NAPB: variants seen among roughly 807,000 people sequenced by gnomAD.
NAPB encodes beta-soluble NSF attachment protein.
NAPB carries 26 observed loss-of-function variants against 44.7 expected under a neutral mutation model. The observed-to-expected ratio is 0.58, with a 90% CI of 0.43 to 0.81. NAPB has a LOEUF of 0.81. NAPB is among the 30% of genes least tolerant of loss of function. NAPB has a pLI of 0.00. For synonymous variants in NAPB, 120 were observed against 116.8 expected, an observed-to-expected ratio of 1.03 and a Z score of -0.18; for missense variants, 315 against 356.4, an observed-to-expected ratio of 0.88 and a Z score of 0.94.
intron 5 of NAPB, 101 bp from the exon 6 acceptor site, chr20:23,390,365 C>T: frequency 2.1e-6 from 2 of 968,252 alleles, no homozygotes; most frequent in Non-Finnish European, 3.2e-6. Context: ...CCTACTCTAC[C>T]AGCAAACTTT....
chr20:23,383,136 G>A (rs6137922), intron 7 of NAPB, among the ~76,000 whole-genome samples: 38,419 of 132,262 alleles, frequency 0.29, 5,484 homozygotes, highest in Middle Eastern at 0.45. Flanking sequence ...ACGCCTGGGC[G>A]ACAGAGCAAG....
intron 8 of NAPB, among the ~76,000 whole-genome samples, chr20:23,380,386 C>T (rs2123129356): frequency 6.6e-6 from 1 of 152,342 alleles, no homozygotes; most frequent in South Asian, 2.1e-4. Flanking sequence ...TGCCTCTTGG[C>T]TCCCAGTGCT....
intron 1 of NAPB, among the ~76,000 whole-genome samples, chr20:23,413,305 A>G (rs532616538): frequency 5.6e-4 from 85 of 152,322 alleles, no homozygotes; most frequent in Middle Eastern, 6.8e-3. Flanking sequence ...TTACAATAAA[A>G]GCCTCTTGCA....
intron 1 of NAPB, among the ~76,000 whole-genome samples, chr20:23,420,627 G>A (rs1986331157): frequency 6.6e-6 from 1 of 152,066 alleles, no homozygotes; most frequent in African/African-American, 2.4e-5. Context: ...GGGCTTCAGC[G>A]TGGCGAAATG....
At chr20:23,400,947 T>C (rs1747765318) in intron 2 of NAPB, among the ~76,000 whole-genome samples, 1 of 152,090 alleles carries the variant, frequency 6.6e-6, no homozygotes, top group Non-Finnish European at 1.5e-5. Flanking sequence ...CATTATGTAA[T>C]TTATTTTTGC....
intron 1 of NAPB, among the ~76,000 whole-genome samples, chr20:23,417,047 A>G (rs75248146): frequency 0.014 from 2,085 of 152,078 alleles, 52 homozygotes; most frequent in East Asian, 0.092. Context: ...AAAGGAAGAC[A>G]GCATTAACCA....
chr20:23,377,239 C>T lies in NAPB; in HGVS notation c.*137G>A, dbSNP rs184107791. On this transcript the variant is annotated 3_prime_UTR_variant, in exon 11 of 11. Transcript: ENST00000377026. ...TCATTTCACAGCAACACAGACTTGG[C>T]GAGCTTAAACAATACACAGGCCGTC... 2.6e-3 allele frequency: 1,129 copies of T among 435,328 alleles called. 5 individuals are homozygous for T. Among genetic ancestry groups the T allele is most frequent in the Non-Finnish European group, 3.8e-3 (928 of 242,074 alleles). The allele number at this position is 435,328 out of a possible 1,614,324, so 27.0% of individuals were successfully genotyped here.
intron 1 of NAPB, among the ~76,000 whole-genome samples, chr20:23,420,358 G>A (rs1259858134): frequency 6.6e-6 from 1 of 152,170 alleles, no homozygotes; most frequent in African/African-American, 2.4e-5. Context: ...TCCGGAGAAG[G>A]AAAAATACTA....
intron 6 of NAPB, 33 bp downstream of exon 6, chr20:23,390,176 C>T (rs1194535527): frequency 1.3e-6 from 2 of 1,558,816 alleles, no homozygotes; most frequent in East Asian, 2.2e-5. Context: ...ATAATAAAAC[C>T]CATTAAATCA....
chr20:23,397,023 C>G, intron 3 of NAPB, 49 bp downstream of exon 3: 1 of 1,574,138 alleles, frequency 6.4e-7, no homozygotes, highest in Non-Finnish European at 8.7e-7. Context: ...GAAGTACTGA[C>G]TGGTTAGTTA....
intron 7 of NAPB, among the ~76,000 whole-genome samples, chr20:23,386,437 G>A (rs1020999318): frequency 1.3e-5 from 2 of 152,174 alleles, no homozygotes; most frequent in Non-Finnish European, 2.9e-5. Context: ...ACATCCTAAT[G>A]CATTCTGAGA....
At position 23,384,509 on chromosome 20, in the gene NAPB, T is replaced by C. The variant is rs1983314728; in HGVS notation, c.562-3192A>G. On this transcript the variant is annotated intron_variant, in intron 7 of 10. Transcript: ENST00000377026. Reference sequence around the variant, plus strand: ...TGCATGTCTGTAGTCTCAGCTATTCTGGAGGCTAAGGCTGAGGTGGGAGGA... The same window carrying C: ...TGCATGTCTGTAGTCTCAGCTATTCCGGAGGCTAAGGCTGAGGTGGGAGGA... 2.0e-5 allele frequency among the ~76,000 whole-genome samples: 3 copies of C among 151,738 alleles called. No homozygotes were observed. The South Asian group carries it at 6.2e-4, about 31-fold the overall frequency.
chr20:23,387,794 G>A (rs1983638655), intron 7 of NAPB, among the ~76,000 whole-genome samples: 2 of 152,140 alleles, frequency 1.3e-5, no homozygotes, highest in South Asian at 4.1e-4. Context: ...ACTTAGTATT[G>A]TTAAGATGGC....
At chr20:23,388,148 C>T (rs1190870922) in intron 7 of NAPB, among the ~76,000 whole-genome samples, 5 of 152,098 alleles carry the variant, frequency 3.3e-5, no homozygotes, top group African/African-American at 9.7e-5. Context: ...GGAGCTATAC[C>T]ATTGGCTCTC....
intron 2 of NAPB, among the ~76,000 whole-genome samples, 188 bp from the exon 3 acceptor site, chr20:23,397,376 C>A (rs1348182396): frequency 1.3e-5 from 2 of 152,236 alleles, no homozygotes; most frequent in Non-Finnish European, 2.9e-5. Context: ...AGTCAAACAG[C>A]GATGAAAGCT....
At chr20:23,416,039 G>C (rs1024147104) in intron 1 of NAPB, among the ~76,000 whole-genome samples, 3 of 152,158 alleles carry the variant, frequency 2.0e-5, no homozygotes, top group African/African-American at 7.2e-5. Flanking sequence ...CTTTGCTCTT[G>C]AAAACTAGGT....
intron 1 of NAPB, among the ~76,000 whole-genome samples, chr20:23,419,327 C>T (rs116243579): frequency 0.011 from 1,669 of 152,260 alleles, 30 homozygotes; most frequent in African/African-American, 0.039. Context: ...TCTTATATGT[C>T]CTGTCAATAA....
intron 1 of NAPB, among the ~76,000 whole-genome samples, chr20:23,420,577 C>A (rs1986322190): frequency 6.6e-6 from 1 of 152,032 alleles, no homozygotes. Flanking sequence ...TCCGGCTCCA[C>A]CCCGGCGCGC....
At chr20:23,401,430 A>G (rs973530554) in intron 2 of NAPB, among the ~76,000 whole-genome samples, 1 of 152,214 alleles carries the variant, frequency 6.6e-6, no homozygotes, top group Non-Finnish European at 1.5e-5. Context: ...GGAAAAGTGC[A>G]GCAGTATGAC....
Sources: gnomAD v4.1 joint callset for allele counts (sites outside exome capture counted in the v4.1 genomes callset) on GRCh38, gnomAD v4.1.1 for gene constraint, MANE v1.5 for transcripts, NCBI Gene and HGNC (gene_info 2026-07-23, HGNC 2026-07-21) for gene names.